Variants in TMEM132C observed in about 807,000 individuals in gnomAD.
The protein encoded by TMEM132C is protein phosphatase 1, regulatory subunit 152.
TMEM132C carries 29 observed loss-of-function variants against 61.4 expected under a neutral mutation model. The ratio of observed to expected loss-of-function variants is 0.47; its 90% CI spans 0.35 to 0.64. The LOEUF (loss-of-function observed/expected upper bound fraction) is 0.64. Ranked by LOEUF, TMEM132C falls within the 30% of genes least tolerant of loss-of-function variation. TMEM132C has a pLI of 0.00. For missense variants in TMEM132C, 1,408 were observed against 1,476.9 expected, an observed-to-expected ratio of 0.95 and a Z score of 0.76; for synonymous variants, 656 against 633.1, an observed-to-expected ratio of 1.04 and a Z score of -0.54.
rs565107443 is a variant in TMEM132C at position 128,542,839 on chromosome 12, G to A, written c.975-1118G>A. Among the ~76,000 whole-genome samples the A allele has an allele frequency of 2.0e-4, 24 of 122,194 alleles. No individual in the cohort carries two copies. The East Asian group carries it at 4.2e-3, about 21-fold the overall frequency. The allele number at this position is 122,194 out of a possible 152,430, so 80.2% of individuals were successfully genotyped here. ...TTGCACCACTGTACTCCAGCCTAGC[G>A]ACAGAACAATACTTCGATGCAAAAA... On this transcript the variant is annotated intron_variant, in intron 2 of 8. Transcript: ENST00000435159.
chr12:128,293,483 A>G (rs551467879), intron 1 of TMEM132C, among the ~76,000 whole-genome samples: 26 of 152,346 alleles, frequency 1.7e-4, no homozygotes, highest in Non-Finnish European at 2.9e-4. Flanking sequence ...CAGAATTTCA[A>G]AGAACCTCGG....
chr12:128,634,267 G>A (rs773747659), intron 4 of TMEM132C, among the ~76,000 whole-genome samples: 3 of 152,156 alleles, frequency 2.0e-5, no homozygotes, highest in South Asian at 2.1e-4. Context: ...GTAGAGACAC[G>A]GTCTCACTAT....
chr12:128,355,973 A>G (rs1873491903), intron 1 of TMEM132C, among the ~76,000 whole-genome samples: 2 of 152,172 alleles, frequency 1.3e-5, no homozygotes, highest in South Asian at 4.1e-4. Flanking sequence ...TCCCTGCTGC[A>G]AGCAGGTCAT....
At position 128,638,634 on chromosome 12, in the gene TMEM132C, C is replaced by T. The variant is rs547921602; in HGVS notation, c.1305+22299C>T. Among the ~76,000 whole-genome samples, 5 of 152,278 alleles carry T rather than the reference C, an allele frequency of 3.3e-5. No individual in the cohort carries two copies. In the South Asian group the frequency reaches 6.2e-4, roughly 19 times the overall value. ...GTCACACAGCTTGGAAAGGTGGTTACGGAATTTAAACCTATGTATCTCTGG... is the reference window on the plus strand; with the variant it reads ...GTCACACAGCTTGGAAAGGTGGTTATGGAATTTAAACCTATGTATCTCTGG... On this transcript the variant is annotated intron_variant, in intron 4 of 8. Coordinates refer to ENST00000435159, the MANE Select transcript of TMEM132C (RefSeq NM_001136103.3).
intron 1 of TMEM132C, among the ~76,000 whole-genome samples, chr12:128,280,591 T>C (rs1383858340): frequency 1.3e-5 from 2 of 152,186 alleles, no homozygotes; most frequent in Non-Finnish European, 2.9e-5. Flanking sequence ...AAGGTATCTT[T>C]TGAGTGGATG....
intron 3 of TMEM132C, among the ~76,000 whole-genome samples, chr12:128,575,847 C>T (rs796545210): frequency 9.2e-5 from 14 of 152,330 alleles, no homozygotes; most frequent in African/African-American, 3.4e-4. Flanking sequence ...CCATTCATGA[C>T]ACTCAGTAGT....
chr12:128,433,056 G>C (rs1869447098), intron 2 of TMEM132C, among the ~76,000 whole-genome samples: 1 of 151,814 alleles, frequency 6.6e-6, no homozygotes, highest in Non-Finnish European at 1.5e-5. Context: ...ATTGTGACTT[G>C]TTAAAAGCTC....
At chr12:128,510,495 GC>G (rs1450215864) in intron 2 of TMEM132C, among the ~76,000 whole-genome samples, 8 of 152,160 alleles carry the variant, frequency 5.3e-5, no homozygotes, top group Admixed American at 5.2e-4. Context: ...TCTCAAGCCC[GC>G]ACCTAGAACG....
intron 1 of TMEM132C, among the ~76,000 whole-genome samples, chr12:128,340,674 CTGA>C (rs1428364007): frequency 6.6e-6 from 1 of 152,126 alleles, no homozygotes; most frequent in Admixed American, 6.5e-5. Context: ...GCTCACCATC[CTGA>C]TATTCTATGC....
At chr12:128,549,759 C>G (rs765209029) in intron 3 of TMEM132C, among the ~76,000 whole-genome samples, 1 of 152,092 alleles carries the variant, frequency 6.6e-6, no homozygotes, top group Admixed American at 6.5e-5. Flanking sequence ...CTGTGTGCCT[C>G]GCGCTCTCCA....
intron 4 of TMEM132C, among the ~76,000 whole-genome samples, 159 bp from the exon 5 acceptor site, chr12:128,669,258 T>C (rs751575439): frequency 2.6e-5 from 4 of 152,278 alleles, no homozygotes; most frequent in African/African-American, 4.8e-5. Context: ...AGAATAGCCC[T>C]TTATTCCAAG....
At chr12:128,643,825 A>G (rs900674902) in intron 4 of TMEM132C, among the ~76,000 whole-genome samples, 10 of 151,904 alleles carry the variant, frequency 6.6e-5, no homozygotes, top group Non-Finnish European at 1.2e-4. Context: ...TTTTCATCCT[A>G]TTATCTGGTT....
intron 2 of TMEM132C, among the ~76,000 whole-genome samples, chr12:128,530,448 CTT>C (rs398056093): frequency 7.6e-5 from 11 of 144,474 alleles, no homozygotes; most frequent in Non-Finnish European, 7.6e-5. Context: ...ACTTCTTTTT[CTT>C]TTTTTTTTTT....
At chr12:128,539,852 G>C (rs1230704452) in intron 2 of TMEM132C, among the ~76,000 whole-genome samples, 1 of 152,088 alleles carries the variant, frequency 6.6e-6, no homozygotes, top group East Asian at 1.9e-4. Context: ...ACGTGGCCTG[G>C]TGTGTGTCTA....
intron 4 of TMEM132C, among the ~76,000 whole-genome samples, chr12:128,618,686 C>G (rs559394017): frequency 2.6e-5 from 4 of 152,308 alleles, no homozygotes; most frequent in African/African-American, 9.6e-5. Context: ...TTTCGCCTTT[C>G]ACTTGGCTCT....
rs998985936 is a variant in TMEM132C at position 128,630,161 on chromosome 12, G to A, written c.1305+13826G>A. Among the ~76,000 whole-genome samples the A allele has an allele frequency of 6.6e-6, 1 of 152,058 alleles. No homozygotes were observed. Among genetic ancestry groups the A allele is most frequent in the Non-Finnish European group, 1.5e-5 (1 of 68,010 alleles). ...GAAAGCCTGGGTGCCCCCCTCCAAG[G>A]TGTCTCAGGCGGCAAGCTGGCGGCA... is the stretch of plus-strand genomic sequence containing the variant. On this transcript the variant is annotated intron_variant, in intron 4 of 8. Transcript: ENST00000435159. This position sits in a 1 kb window ranked among gnomAD's most constrained non-coding sequence, Gnocchi z 4.3.
chr12:128,492,200 A>G lies in TMEM132C; in HGVS notation c.975-51757A>G, dbSNP rs186673177. ...TGAACTCATCCTTTTTTATGGCTGC[A>G]TAGTATTCCATGGTGTAAATGTGCC... On this transcript the variant is annotated intron_variant, in intron 2 of 8. Transcript: ENST00000435159. Among the ~76,000 whole-genome samples the G allele has an allele frequency of 8.9e-3, 1,361 of 152,278 alleles. 15 individuals carry two copies. Among genetic ancestry groups the G allele is most frequent in the Middle Eastern group, 0.037 (11 of 294 alleles).
intron 3 of TMEM132C, among the ~76,000 whole-genome samples, chr12:128,544,428 C>T (rs538026912): frequency 2.6e-5 from 4 of 152,126 alleles, no homozygotes; most frequent in Non-Finnish European, 4.4e-5. Context: ...AGAAGATGCT[C>T]GGTTACAAAG....
intron 3 of TMEM132C, among the ~76,000 whole-genome samples, chr12:128,548,232 A>G (rs1874032128): frequency 6.6e-6 from 1 of 152,174 alleles, no homozygotes; most frequent in Admixed American, 6.5e-5. Flanking sequence ...TGTGTGAGAG[A>G]CTGCCTCCAC....
Sources: allele counts gnomAD v4.1 joint callset (sites outside exome capture counted in the v4.1 genomes callset), GRCh38; gene constraint gnomAD v4.1.1; non-coding constraint Gnocchi (gnomAD v3.1); transcripts MANE v1.5; gene names NCBI Gene and HGNC (gene_info 2026-07-23, HGNC 2026-07-21).